TRHR: variants seen among roughly 807,000 people sequenced by gnomAD.
TRHR encodes the protein thyrotropin releasing hormone receptor.
A neutral mutation model predicts 28.0 loss-of-function variants in TRHR; 14 were observed. The observed-to-expected ratio is 0.50, with a 90% CI of 0.33 to 0.78. TRHR has a LOEUF of 0.78. TRHR is among the 30% of genes least tolerant of loss of function. The pLI is 0.02. For synonymous variants in TRHR, 176 were observed against 171.9 expected (o/e 1.02, Z -0.18); for missense variants, 438 against 469.5 (o/e 0.93, Z 0.62).
At position 109,088,279 on chromosome 8, in the gene TRHR, G is replaced by A. The variant is rs769021256; in HGVS notation, c.767G>A (p.Ser256Asn). The part of the protein sequence containing the change: ...NVNTSNRCFN[S>N]TVSSRKQVTK... ...AATACCTCTAATAGATGTTTCAACA[G>A]CACAGTATCTTCAAGGAAGCAGGTA... The change falls in exon 2 of 3, where the codon AGC (serine) becomes AAC (asparagine). Residue 256 changes from serine to asparagine, a missense_variant. Ser to Asn is a conservative substitution (Grantham distance 46). Transcript: ENST00000518632. The A allele has an allele frequency of 6.2e-6, 10 of 1,613,716 alleles. No homozygotes were observed. The African/African-American group carries it at 1.2e-4, about 19-fold the overall frequency.
At chr8:109,114,807 T>C (rs1038829612) in intron 2 of TRHR, among the ~76,000 whole-genome samples, 1 of 152,052 alleles carries the variant, frequency 6.6e-6, no homozygotes, top group Non-Finnish European at 1.5e-5. Flanking sequence ...CATTCCTCTG[T>C]ATTAGCAGTT....
At chr8:109,088,395 A>G (rs1475634376) in intron 2 of TRHR, 94 bp downstream of exon 2, 3 of 1,271,484 alleles carry the variant, frequency 2.4e-6, no homozygotes, top group African/African-American at 3.0e-5. Flanking sequence ...GCTGATGGCG[A>G]AACCAAAATA....
chr8:109,117,929 T>C (rs1811943821), intron 2 of TRHR, among the ~76,000 whole-genome samples: 1 of 151,980 alleles, frequency 6.6e-6, no homozygotes, highest in Non-Finnish European at 1.5e-5. Context: ...GTAGCCTTAA[T>C]ATCCTACATA....
intron 2 of TRHR, among the ~76,000 whole-genome samples, chr8:109,111,124 C>T (rs1427517487): frequency 6.6e-6 from 1 of 152,054 alleles, no homozygotes; most frequent in East Asian, 1.9e-4. Flanking sequence ...TGCACTCCAG[C>T]CTGGGCGACA....
chr8:109,114,701 GTC>G lies in TRHR; in HGVS notation c.790-4341_790-4340del, dbSNP rs991038199. Among the ~76,000 whole-genome samples the G allele has an allele frequency of 5.5e-4, 83 of 152,042 alleles. 1 individual carries two copies. Among genetic ancestry groups the G allele is most frequent in the Middle Eastern group, 3.4e-3 (1 of 294 alleles). ...TAATCTCTGCAAGAACAGTCTTCTC[GTC>G]TCTCTTTATCTTAAGATTTTAACTG... is the stretch of plus-strand genomic sequence containing the variant. On this transcript the variant is annotated intron_variant, in intron 2 of 2. Transcript: ENST00000518632.
chr8:109,097,964 T>C (rs1811619060), intron 2 of TRHR, among the ~76,000 whole-genome samples: 1 of 152,192 alleles, frequency 6.6e-6, no homozygotes, highest in Non-Finnish European at 1.5e-5. Context: ...CATGTCATTA[T>C]ACATGGAATT....
At position 109,087,910 on chromosome 8, in the gene TRHR, C is replaced by T; in HGVS notation, c.398C>T (p.Ala133Val). ...RYIAICHPIK[A>V]QFLCTFSRAK... ...ATAGCAATCTGTCACCCCATCAAAG[C>T]CCAGTTTCTCTGCACATTTTCCAGA... Residue 133 changes from alanine to valine, a missense_variant, in exon 2 of 3, where the codon GCC becomes GTC. Physicochemically the swap from Ala to Val is moderately conservative, Grantham distance 64 (BLOSUM62 0). Transcript: ENST00000518632. The T allele has an allele frequency of 6.2e-7, 1 of 1,614,180 alleles. No homozygotes were observed. The highest frequency in any genetic ancestry group is 8.5e-7 in the Non-Finnish European group (1 of 1,180,026).
In TRHR at chr8:109,119,201, A is replaced by G. The variant is rs779421834; in HGVS notation, c.943A>G (p.Ile315Val). Reference sequence around the variant, plus strand: ...AATTTGCATTTATCTCAACAGTGCCATCAACCCGGTGATTTACAATCTCAT... The same window carrying G: ...AATTTGCATTTATCTCAACAGTGCCGTCAACCCGGTGATTTACAATCTCAT... ...CRICIYLNSA[I>V]NPVIYNLMSQ... is the part of the protein sequence containing the mutation. Residue 315 changes from isoleucine to valine, a missense_variant, in exon 3 of 3, where the codon ATC (isoleucine) becomes GTC (valine). Coordinates refer to ENST00000518632, the MANE Select transcript of TRHR (RefSeq NM_003301.7). 2 of 1,612,964 alleles carry G rather than the reference A, an allele frequency of 1.2e-6. No individual in the cohort carries two copies. Among genetic ancestry groups the G allele is most frequent in the Admixed American group, 3.3e-5 (2 of 59,912 alleles).
chr8:109,119,116 GGTT>G lies in TRHR; in HGVS notation c.861_863del (p.Val288del), dbSNP rs757083272. On this transcript the variant is annotated inframe_deletion, in exon 3 of 3. Transcript: ENST00000518632. ...TATGGATGCCCTACAGGACTCTAGT[GGTT>G]GTCAACTCATTTCTCTCCAGTCCTT... 2 of 1,612,880 alleles carry G rather than the reference GGTT, an allele frequency of 1.2e-6. No individual in the cohort carries two copies. The highest frequency in any genetic ancestry group is 1.7e-6 in the Non-Finnish European group (2 of 1,179,240).
rs139294244 is a variant in TRHR at position 109,096,482 on chromosome 8, C to T, written c.789+8181C>T. ...CTCACTAACATCCCAAAGAGTAGGGCCTTGCATTGTGGTACCCTCAGCCCT... is the reference window on the plus strand; with the variant it reads ...CTCACTAACATCCCAAAGAGTAGGGTCTTGCATTGTGGTACCCTCAGCCCT... On this transcript the variant is annotated intron_variant, in intron 2 of 2. Transcript: ENST00000518632. 2.0e-5 allele frequency among the ~76,000 whole-genome samples: 3 copies of T among 152,264 alleles called. No homozygotes were observed. In the East Asian group the frequency reaches 5.8e-4, roughly 29 times the overall value.
intron 2 of TRHR, among the ~76,000 whole-genome samples, chr8:109,116,456 A>T (rs991087265): frequency 1.3e-5 from 2 of 152,012 alleles, no homozygotes; most frequent in African/African-American, 4.8e-5. Context: ...TTGGTAGTCT[A>T]TTAATTATTG....
chr8:109,115,028 T>C (rs985995545), intron 2 of TRHR, among the ~76,000 whole-genome samples: 1 of 152,192 alleles, frequency 6.6e-6, no homozygotes, highest in Middle Eastern at 3.4e-3. Context: ...TCATGCTATT[T>C]CTCAAGGACC....
intron 2 of TRHR, among the ~76,000 whole-genome samples, chr8:109,114,960 G>C (rs1381746127): frequency 6.6e-6 from 1 of 152,010 alleles, no homozygotes; most frequent in East Asian, 1.9e-4. Context: ...AGAATGGATG[G>C]ATAGATTCCT....
intron 2 of TRHR, among the ~76,000 whole-genome samples, chr8:109,113,834 GT>G (rs1226431609): frequency 6.6e-6 from 1 of 152,094 alleles, no homozygotes; most frequent in African/African-American, 2.4e-5. Flanking sequence ...TACAATAATA[GT>G]AGTTAGTAAT....
Position 109,119,681 on chromosome 8 carries a change from A to G in TRHR, c.*226A>G. 1 of 511,350 alleles carries G rather than the reference A, an allele frequency of 2.0e-6. No individual in the cohort carries two copies. Among genetic ancestry groups the G allele is most frequent in the Non-Finnish European group, 3.4e-6 (1 of 290,978 alleles). The allele number at this position is 511,350 out of a possible 1,614,324, so 31.7% of individuals were successfully genotyped here. ...ATGGAGCAGATCTGTGAAATAGCTA[A>G]ATGATGGAAACTTAAAGTTTAGCCC... On this transcript the variant is annotated 3_prime_UTR_variant, in exon 3 of 3. Coordinates refer to ENST00000518632, the MANE Select transcript of TRHR (RefSeq NM_003301.7).
chr8:109,095,519 G>C (rs532579229), intron 2 of TRHR, among the ~76,000 whole-genome samples: 2 of 152,150 alleles, frequency 1.3e-5, no homozygotes, highest in African/African-American at 4.8e-5. Context: ...GTCTGAGCCA[G>C]ATTGTGGTCC....
intron 2 of TRHR, among the ~76,000 whole-genome samples, chr8:109,108,199 G>C (rs771505719): frequency 6.6e-6 from 1 of 152,156 alleles, no homozygotes; most frequent in Non-Finnish European, 1.5e-5. Flanking sequence ...AGACAACTAA[G>C]TGCCCTCTTA....
chr8:109,099,540 G>C (rs1449236929), intron 2 of TRHR, among the ~76,000 whole-genome samples: 2 of 152,152 alleles, frequency 1.3e-5, no homozygotes, highest in Admixed American at 6.6e-5. Flanking sequence ...TCATGGTCTT[G>C]CCACTGGAGT....
chr8:109,097,564 G>A (rs1216580101), intron 2 of TRHR, among the ~76,000 whole-genome samples: 2 of 152,180 alleles, frequency 1.3e-5, no homozygotes, highest in Non-Finnish European at 2.9e-5. Flanking sequence ...GCTGTGCAGT[G>A]TACAGAAGAG....
Sources: allele counts gnomAD v4.1 joint callset (sites outside exome capture counted in the v4.1 genomes callset), GRCh38; gene constraint gnomAD v4.1.1; transcripts MANE v1.5; gene names NCBI Gene and HGNC (gene_info 2026-07-23, HGNC 2026-07-21).